Variants in DIAPH3 observed in about 807,000 individuals in gnomAD.
DIAPH3 encodes protein diaphanous homolog 3.
Under a neutral mutation model 144.3 loss-of-function variants are expected in DIAPH3, and 117 were observed. That is an observed-to-expected ratio of 0.81 (90% CI 0.70 to 0.95). The LOEUF is 0.95. DIAPH3 is among the 40% of genes least tolerant of loss of function. The probability of loss-of-function intolerance (pLI) is 0.00; values close to 1 mark genes in which losing one functional copy is unlikely to be tolerated. For synonymous variants in DIAPH3, 519 were observed against 488.9 expected (o/e 1.06, Z -0.81); for missense variants, 1,421 against 1,412.7 (o/e 1.01, Z -0.09).
intron 4 of DIAPH3, among the ~76,000 whole-genome samples, chr13:60,077,264 T>C (rs2057410101): frequency 6.6e-6 from 1 of 151,890 alleles, no homozygotes; most frequent in African/African-American, 2.4e-5. Context: ...AAAATCTAAA[T>C]AGTGCAAAAA....
intron 7 of DIAPH3, chr13:60,013,193 G>T: frequency 9.1e-6 from 9 of 985,370 alleles, no homozygotes; most frequent in East Asian, 1.1e-4. Flanking sequence ...CTAAACTGAG[G>T]ATCAATGCCA....
chr13:60,101,625 G>A (rs914180871), intron 3 of DIAPH3, among the ~76,000 whole-genome samples: 2 of 151,898 alleles, frequency 1.3e-5, no homozygotes, highest in African/African-American at 4.8e-5. Context: ...CCAAAAGATT[G>A]GGCACCCCTG....
intron 20 of DIAPH3, among the ~76,000 whole-genome samples, chr13:59,892,280 T>C (rs897881731): frequency 2.6e-5 from 4 of 151,604 alleles, no homozygotes; most frequent in Non-Finnish European, 5.9e-5. Context: ...AAACCTAAAA[T>C]GAGAACAAGA....
intron 2 of DIAPH3, among the ~76,000 whole-genome samples, chr13:60,121,873 A>G (rs899632760): frequency 6.6e-6 from 1 of 152,108 alleles, no homozygotes; most frequent in Non-Finnish European, 1.5e-5. Context: ...AAGCATGTGG[A>G]CTACACCTCC....
chr13:59,763,202 A>C (rs1659153458), intron 27 of DIAPH3, among the ~76,000 whole-genome samples: 1 of 151,946 alleles, frequency 6.6e-6, no homozygotes, highest in South Asian at 2.1e-4. Flanking sequence ...TTTTTCATAC[A>C]TATATCTTTA....
chr13:60,137,149 T>C (rs2059305621), intron 1 of DIAPH3, among the ~76,000 whole-genome samples: 1 of 152,168 alleles, frequency 6.6e-6, no homozygotes, highest in South Asian at 2.1e-4. Context: ...TGTTTTCTGT[T>C]AATGACAGTT....
chr13:60,038,625 A>G (rs1032093647), intron 5 of DIAPH3, among the ~76,000 whole-genome samples: 1 of 152,200 alleles, frequency 6.6e-6, no homozygotes, highest in Admixed American at 6.5e-5. Flanking sequence ...ATAGTTATCA[A>G]CTTAAGAATC....
intron 27 of DIAPH3, among the ~76,000 whole-genome samples, chr13:59,713,900 A>G (rs1420002860): frequency 6.6e-6 from 1 of 152,184 alleles, no homozygotes; most frequent in African/African-American, 2.4e-5. Flanking sequence ...CATGGAGAGC[A>G]AAAAGGAAAA....
At chr13:59,974,514 C>A in intron 14 of DIAPH3, 58 bp from the exon 15 acceptor site, 1 of 1,390,846 alleles carries the variant, frequency 7.2e-7, no homozygotes. Flanking sequence ...AAGCACTATT[C>A]TTCTTATAGA....
intron 4 of DIAPH3, among the ~76,000 whole-genome samples, chr13:60,067,853 A>G (rs1366800600): frequency 6.6e-6 from 1 of 152,192 alleles, no homozygotes; most frequent in African/African-American, 2.4e-5. Context: ...CCATGTAAAA[A>G]GCCTGGTATA....
intron 22 of DIAPH3, among the ~76,000 whole-genome samples, chr13:59,855,901 G>T (rs1404097374): frequency 2.0e-5 from 3 of 149,750 alleles, no homozygotes; most frequent in Non-Finnish European, 4.5e-5. Flanking sequence ...TATATTTATG[G>T]ATATATATAT....
intron 24 of DIAPH3, among the ~76,000 whole-genome samples, chr13:59,824,876 T>G (rs2041290789): frequency 6.6e-6 from 1 of 152,064 alleles, no homozygotes; most frequent in Admixed American, 6.6e-5. Context: ...GTAGTGGCCT[T>G]TTTCAGTACT....
At chr13:59,820,497 C>T (rs528841128) in intron 24 of DIAPH3, among the ~76,000 whole-genome samples, 2 of 151,932 alleles carry the variant, frequency 1.3e-5, no homozygotes, top group African/African-American at 4.8e-5. Flanking sequence ...GTTTTCTCCA[C>T]GAAAGTACTA....
At chr13:60,006,346 T>G (rs2052874516) in intron 9 of DIAPH3, among the ~76,000 whole-genome samples, 1 of 152,186 alleles carries the variant, frequency 6.6e-6, no homozygotes, top group African/African-American at 2.4e-5. Context: ...TAAAACCTCA[T>G]GTAATGTAAT....
At position 59,833,129 on chromosome 13, in the gene DIAPH3, T is replaced by C. The variant is rs1566381951; in HGVS notation, c.3005A>G (p.Asn1002Ser). 2 of 1,610,206 alleles carry C rather than the reference T, an allele frequency of 1.2e-6. No individual in the cohort carries two copies. The highest frequency in any genetic ancestry group is 1.7e-5 in the Admixed American group (1 of 59,732). ...VSVEDFLTDLNNFRTTFMQAI... is the reference protein window; with the variant it reads ...VSVEDFLTDLSNFRTTFMQAI... ...TACCATGAATGTGGTTCTGAAGTTA[T>C]TCAGGTCAGTAAGAAAGTCTTCCAC... The change falls in exon 24 of 28, where the codon AAT (asparagine) becomes AGT (serine). Residue 1002 changes from asparagine to serine, a missense_variant. Coordinates refer to ENST00000400324, the MANE Select transcript of DIAPH3 (RefSeq NM_001042517.2).
At chr13:59,847,337 G>A (rs1372923507) in intron 22 of DIAPH3, among the ~76,000 whole-genome samples, 1 of 152,150 alleles carries the variant, frequency 6.6e-6, no homozygotes, top group East Asian at 1.9e-4. Flanking sequence ...AACATGGAAA[G>A]AAGAAAGGGA....
At chr13:59,789,644 G>T (rs2039227026) in intron 25 of DIAPH3, among the ~76,000 whole-genome samples, 1 of 152,262 alleles carries the variant, frequency 6.6e-6, no homozygotes, top group Non-Finnish European at 1.5e-5. Flanking sequence ...AGTGAGTGGT[G>T]CCTGGAACAC....
chr13:59,863,280 G>C (rs185886268), intron 21 of DIAPH3, among the ~76,000 whole-genome samples: 6 of 147,110 alleles, frequency 4.1e-5, no homozygotes, highest in Middle Eastern at 3.4e-3. Context: ...ACAAATAAAG[G>C]GTTAAAAAAA....
At chr13:59,898,848 T>G (rs1255971543) in intron 20 of DIAPH3, among the ~76,000 whole-genome samples, 1 of 152,122 alleles carries the variant, frequency 6.6e-6, no homozygotes, top group Non-Finnish European at 1.5e-5. Context: ...GGGTATGTCT[T>G]GAGGGTGTTG....
Sources: gnomAD v4.1 joint callset for allele counts (sites outside exome capture counted in the v4.1 genomes callset) on GRCh38, gnomAD v4.1.1 for gene constraint, MANE v1.5 for transcripts, NCBI Gene and HGNC (gene_info 2026-07-23, HGNC 2026-07-21) for gene names.